The following PTPRD variants were observed in gnomAD, a reference collection of about 807,000 sequenced individuals.
PTPRD encodes the protein receptor-type tyrosine-protein phosphatase delta.
In PTPRD, 34 loss-of-function variants were observed where a neutral mutation model predicts 214.5. The ratio of observed to expected loss-of-function variants is 0.16; its 90% confidence interval spans 0.12 to 0.21. PTPRD has a LOEUF of 0.21. Among genes scored for constraint, PTPRD ranks in the 10% least tolerant of loss-of-function variants. PTPRD has a pLI of 1.00. For missense variants in PTPRD, 2,545 were observed against 2,398.7 expected (o/e 1.06, Z -1.27); for synonymous variants, 1,128 against 845.7 (o/e 1.33, Z -5.79).
intron 5 of PTPRD, among the ~76,000 whole-genome samples, chr9:9,767,313 G>T (rs1205444091): frequency 1.3e-5 from 2 of 152,030 alleles, no homozygotes; most frequent in African/African-American, 4.8e-5. Flanking sequence ...ACTCATTAAA[G>T]TTAACAGAGA....
intron 2 of PTPRD, among the ~76,000 whole-genome samples, chr9:10,428,568 C>A (rs543788710): frequency 1.2e-3 from 188 of 152,126 alleles, no homozygotes; most frequent in Middle Eastern, 3.4e-3. Context: ...TAAGCCTTGA[C>A]AACTCAACCT....
At chr9:8,351,742 TAAA>T (rs71317359) in intron 39 of PTPRD, among the ~76,000 whole-genome samples, 23,831 of 65,110 alleles carry the variant, frequency 0.37, 3,763 homozygotes, top group Non-Finnish European at 0.46. Context: ...TGGCAAAGAG[TAAA>T]AAAAAAAAAA....
chr9:9,574,921 T>C (rs564717245), intron 7 of PTPRD, 140 bp from the exon 8 acceptor site: 2 of 152,274 alleles, frequency 1.3e-5, no homozygotes, highest in South Asian at 2.1e-4. Flanking sequence ...CAAACATTTT[T>C]GACTACAGTA....
intron 12 of PTPRD, among the ~76,000 whole-genome samples, chr9:8,710,941 T>C (rs1019661002): frequency 1.3e-5 from 2 of 152,134 alleles, no homozygotes; most frequent in African/African-American, 4.8e-5. Context: ...TCAAAATATA[T>C]TGCTTTCAAG....
At chr9:9,421,677 CA>C (rs930004171) in intron 8 of PTPRD, among the ~76,000 whole-genome samples, 71 of 151,908 alleles carry the variant, frequency 4.7e-4, no homozygotes, top group African/African-American at 1.7e-3. Context: ...CTGAACTGGC[CA>C]AAGGTGAAAA....
At chr9:9,265,417 C>A (rs1041919008) in intron 9 of PTPRD, among the ~76,000 whole-genome samples, 6 of 151,400 alleles carry the variant, frequency 4.0e-5, no homozygotes, top group African/African-American at 1.5e-4. Context: ...CCACACCTAG[C>A]GTTTTTTTGT....
At chr9:9,977,738 G>A (rs1340671838) in intron 4 of PTPRD, among the ~76,000 whole-genome samples, 2 of 151,998 alleles carry the variant, frequency 1.3e-5, no homozygotes, top group African/African-American at 4.8e-5. Flanking sequence ...TTTGCTTTGA[G>A]TTATTTAAAG....
intron 9 of PTPRD, among the ~76,000 whole-genome samples, chr9:9,278,964 T>C (rs1185304479): frequency 6.6e-6 from 1 of 151,260 alleles, no homozygotes; most frequent in Non-Finnish European, 1.5e-5. Flanking sequence ...ATTGTTTTTG[T>C]GTCACAAAAT....
At chr9:10,111,946 C>T (rs1283077925) in intron 3 of PTPRD, among the ~76,000 whole-genome samples, 6 of 152,124 alleles carry the variant, frequency 3.9e-5, no homozygotes. Flanking sequence ...CTATCAGTTT[C>T]GCATTTCAGC....
intron 3 of PTPRD, among the ~76,000 whole-genome samples, chr9:10,131,499 A>G (rs1218471255): frequency 6.6e-6 from 1 of 152,212 alleles, no homozygotes; most frequent in African/African-American, 2.4e-5. Context: ...AATAAGGAAA[A>G]TAAATGTAAA....
intron 9 of PTPRD, among the ~76,000 whole-genome samples, chr9:9,389,747 T>G (rs1026601990): frequency 1.3e-5 from 2 of 152,184 alleles, no homozygotes; most frequent in African/African-American, 2.4e-5. Context: ...CCTAGAATAT[T>G]CATTTACTTG....
chr9:10,112,741 A>C (rs147973900), intron 3 of PTPRD, among the ~76,000 whole-genome samples: 282 of 152,352 alleles, frequency 1.9e-3, no homozygotes, highest in African/African-American at 6.5e-3. Context: ...AACGAGCCAG[A>C]AGATAATTCA....
chr9:9,752,372 C>T (rs186595877), intron 6 of PTPRD, among the ~76,000 whole-genome samples: 1 of 152,096 alleles, frequency 6.6e-6, no homozygotes, highest in Non-Finnish European at 1.5e-5. Context: ...AAGAGATAGT[C>T]TGTGACCTTC....
intron 11 of PTPRD, among the ~76,000 whole-genome samples, chr9:8,939,414 T>G (rs1419653207): frequency 6.8e-6 from 1 of 147,076 alleles, no homozygotes; most frequent in African/African-American, 2.5e-5. Context: ...TAACTTCATT[T>G]TGAAAGATAC....
chr9:8,704,180 C>T (rs1165570001), intron 12 of PTPRD, among the ~76,000 whole-genome samples: 1 of 152,134 alleles, frequency 6.6e-6, no homozygotes, highest in African/African-American at 2.4e-5. Flanking sequence ...GTTTACAGAG[C>T]AGGCAAAGTT....
intron 30 of PTPRD, among the ~76,000 whole-genome samples, chr9:8,480,726 G>C (rs766256449): frequency 6.6e-6 from 1 of 152,056 alleles, no homozygotes; most frequent in Non-Finnish European, 1.5e-5. Context: ...TATCTGTCAA[G>C]ATCAATTAAT....
At chr9:9,682,744 C>G (rs371587503) in intron 7 of PTPRD, among the ~76,000 whole-genome samples, 3 of 151,756 alleles carry the variant, frequency 2.0e-5, no homozygotes, top group Non-Finnish European at 2.9e-5. Context: ...GAACTTTCCT[C>G]TCCAGCATGC....
At chr9:9,398,135 C>T (rs1339414910) in intron 8 of PTPRD, among the ~76,000 whole-genome samples, 3 of 151,516 alleles carry the variant, frequency 2.0e-5, no homozygotes, top group African/African-American at 7.3e-5. Context: ...CCCTTCCTTC[C>T]TTCCATACTT....
At chr9:9,836,834 T>C (rs532135529) in intron 5 of PTPRD, among the ~76,000 whole-genome samples, 9 of 152,254 alleles carry the variant, frequency 5.9e-5, no homozygotes, top group Non-Finnish European at 8.8e-5. Context: ...GACAGATATA[T>C]AGCAAATACC....
Sources: gnomAD v4.1 joint callset for allele counts (sites outside exome capture counted in the v4.1 genomes callset) on GRCh38, gnomAD v4.1.1 for gene constraint, MANE v1.5 for transcripts, NCBI Gene and HGNC (gene_info 2026-07-23, HGNC 2026-07-21) for gene names.